ZFAND5: variants seen among roughly 807,000 people sequenced by gnomAD.
The protein encoded by ZFAND5 is zinc finger AN1-type containing 5, also known as AN1-type zinc finger protein 5.
In ZFAND5, 4 loss-of-function variants were observed where a neutral mutation model predicts 23.6. That is an observed-to-expected ratio of 0.17 (90% CI 0.08 to 0.39). The LOEUF (loss-of-function observed/expected upper bound fraction) is 0.39, where lower values mean the gene tolerates loss of function less well. Among genes scored for constraint, ZFAND5 ranks in the 10% least tolerant of loss-of-function variants. ZFAND5 has a pLI of 1.00. For synonymous variants in ZFAND5, 68 were observed against 80.6 expected (o/e 0.84, Z 0.84); for missense variants, 161 against 253.7 (o/e 0.63, Z 2.48).
intron 1 of ZFAND5, 139 bp downstream of exon 1, chr9:72,364,549 TGGCGGGCG>T (rs1165036996): frequency 7.8e-7 from 1 of 1,274,202 alleles, no homozygotes; most frequent in Admixed American, 2.4e-5. Flanking sequence ...CTTCCTGGGC[TGGCGGGCG>T]GGCTCCCCTC....
In ZFAND5 at chr9:72,352,236, C is replaced by A. The variant is rs1220455342; in HGVS notation, c.*3717G>T. 1 of 152,222 alleles carries A rather than the reference C, an allele frequency of 6.6e-6. No homozygotes were observed. The highest frequency in any genetic ancestry group is 1.5e-5 in the Non-Finnish European group (1 of 68,080). The allele number at this position is 152,222 out of a possible 1,614,324, so 9.4% of individuals were successfully genotyped here. A position where few individuals can be genotyped will look rare whatever the true frequency, so the allele number is the denominator to read the frequency against. On this transcript the variant is annotated 3_prime_UTR_variant, in exon 7 of 7. Transcript: ENST00000376962. ...GCTGAGCCAGGAGAATGGCGTGAAC[C>A]CGGGAGGCGGAACTTGCAGTGAGCT...
At chr9:72,361,035 T>C (rs770835140) in intron 2 of ZFAND5, among the ~76,000 whole-genome samples, 1 of 152,206 alleles carries the variant, frequency 6.6e-6, no homozygotes, top group Non-Finnish European at 1.5e-5. Flanking sequence ...CCTATCACTA[T>C]TCTTGGTTTC....
In ZFAND5 at chr9:72,355,131, A is replaced by T. The variant is rs1442274557; in HGVS notation, c.*822T>A. ...GATACCTTTGCAACTTAAAATTCAGATGCATGTTATTCAATAGAGCTGCTG... is the reference window on the plus strand; with the variant it reads ...GATACCTTTGCAACTTAAAATTCAGTTGCATGTTATTCAATAGAGCTGCTG... On this transcript the variant is annotated 3_prime_UTR_variant, in exon 7 of 7. Transcript: ENST00000376962. 10 of 152,666 alleles carry T rather than the reference A, an allele frequency of 6.6e-5. No homozygotes were observed. Among genetic ancestry groups the T allele is most frequent in the Admixed American group, 6.5e-4 (10 of 15,282 alleles). The allele number at this position is 152,666 out of a possible 1,614,324, so 9.5% of individuals were successfully genotyped here. A position where few individuals can be genotyped will look rare whatever the true frequency, so the allele number is the denominator to read the frequency against.
chr9:72,360,832 T>C (rs777629527), intron 2 of ZFAND5, 45 bp from the exon 3 acceptor site: 7 of 1,529,522 alleles, frequency 4.6e-6, no homozygotes, highest in Non-Finnish European at 6.2e-6. Context: ...ATCACCAAAA[T>C]ATAGTCTAAT....
intron 4 of ZFAND5, among the ~76,000 whole-genome samples, chr9:72,359,805 G>A (rs1842046118): frequency 6.6e-6 from 1 of 152,134 alleles, no homozygotes; most frequent in African/African-American, 2.4e-5. Flanking sequence ...GGGCAAAAGG[G>A]CAGCTCTGCC....
intron 4 of ZFAND5, 87 bp downstream of exon 4, chr9:72,360,023 G>A: frequency 9.0e-7 from 1 of 1,107,356 alleles, no homozygotes; most frequent in Non-Finnish European, 1.3e-6. Context: ...AAAGCCAAGG[G>A]TATCTATTAA....
At chr9:72,364,632 T>C (rs1279613346) in intron 1 of ZFAND5, 64 bp downstream of exon 1, 1 of 1,178,048 alleles carries the variant, frequency 8.5e-7, no homozygotes, top group Non-Finnish European at 1.1e-6. Context: ...CCCGGTCCCT[T>C]CACTCCCGCC....
intron 1 of ZFAND5, chr9:72,363,975 C>T (rs1426554209): frequency 6.6e-6 from 1 of 152,468 alleles, no homozygotes; most frequent in Non-Finnish European, 1.5e-5. Context: ...TCACATTCAT[C>T]AGCCTAAATG....
chr9:72,364,533 T>G (rs1368995582), intron 1 of ZFAND5, 163 bp downstream of exon 1: 1 of 1,279,154 alleles, frequency 7.8e-7, no homozygotes, highest in Non-Finnish European at 1.0e-6. Context: ...CGCCTCCGTC[T>G]TTGTGCTTCC....
Position 72,356,111 on chromosome 9 carries a change from C to CGAAGAAGTAGAGTCATTTGAGAACTTGA in ZFAND5, c.494-38_494-11dup. 6.3e-7 allele frequency: 1 copy of CGAAGAAGTAGAGTCATTTGAGAACTTGA among 1,599,696 alleles called. No homozygotes were observed. Among genetic ancestry groups the CGAAGAAGTAGAGTCATTTGAGAACTTGA allele is most frequent in the Non-Finnish European group, 8.5e-7 (1 of 1,175,752 alleles). Reference sequence around the variant, plus strand: ...CATCGGCAGTCAAACCCTGTACAAACGAAGAAGTAGAGTCATTTGAGAACT... The same window carrying CGAAGAAGTAGAGTCATTTGAGAACTTGA: ...CATCGGCAGTCAAACCCTGTACAAACGAAGAAGTAGAGTCATTTGAGAACTTGAGAAGAAGTAGAGTCATTTGAGAACT... On this transcript the variant is annotated splice_polypyrimidine_tract_variant and intron_variant, in intron 6 of 6. Coordinates refer to ENST00000376962, the MANE Select transcript of ZFAND5 (RefSeq NM_001102420.3).
intron 4 of ZFAND5, among the ~76,000 whole-genome samples, 161 bp from the exon 5 acceptor site, chr9:72,359,682 T>C (rs1842042792): frequency 6.6e-6 from 1 of 152,124 alleles, no homozygotes; most frequent in African/African-American, 2.4e-5. Flanking sequence ...CCAGCACAAA[T>C]GGTTGAGAAA....
At position 72,351,538 on chromosome 9, in the gene ZFAND5, G is replaced by A. The variant is rs1841768605; in HGVS notation, c.*4415C>T. 6.7e-6 allele frequency: 1 copy of A among 150,284 alleles called. No individual in the cohort carries two copies. Among genetic ancestry groups the A allele is most frequent in the Non-Finnish European group, 1.5e-5 (1 of 67,798 alleles). The allele number at this position is 150,284 out of a possible 1,614,324, so 9.3% of individuals were successfully genotyped here. On this transcript the variant is annotated 3_prime_UTR_variant, in exon 7 of 7. Coordinates refer to ENST00000376962, the MANE Select transcript of ZFAND5 (RefSeq NM_001102420.3). ...TTATATAAATTTAAAACCAGCACTT[G>A]TGCATAGAAATAGCTATAAAATATT...
rs1841895949 is a variant in ZFAND5, at chr9:72,354,871, CA to C, written c.*1081del. The C allele has an allele frequency of 6.6e-6, 1 of 152,562 alleles. No individual in the cohort carries two copies. The highest frequency in any genetic ancestry group is 1.5e-5 in the Non-Finnish European group (1 of 68,016). The allele number at this position is 152,562 out of a possible 1,614,324, so 9.5% of individuals were successfully genotyped here. On this transcript the variant is annotated 3_prime_UTR_variant, in exon 7 of 7. Coordinates refer to ENST00000376962, the MANE Select transcript of ZFAND5 (RefSeq NM_001102420.3). ...TTATTGTACAATGCTGTAGATAATG[CA>C]GCCCATGCAATACACCCAAGAACAC... is the stretch of plus-strand genomic sequence containing the variant.
chr9:72,358,535 A>C (rs1175611002), intron 5 of ZFAND5, among the ~76,000 whole-genome samples: 2 of 152,004 alleles, frequency 1.3e-5, no homozygotes, highest in Non-Finnish European at 2.9e-5. Flanking sequence ...CAAAAACAAA[A>C]ACCCAAACAA....
chr9:72,352,597 CTTTA>C lies in ZFAND5; in HGVS notation c.*3352_*3355del, dbSNP rs376778809. The stretch of plus-strand genomic sequence containing the variant: ...CCCAATTTTAGTTATTTCCTAGCAA[CTTTA>C]TTTAATGCAGATCTCTTGCAAAGAA... On this transcript the variant is annotated 3_prime_UTR_variant, in exon 7 of 7. Transcript: ENST00000376962. 2.7e-4 allele frequency: 41 copies of C among 152,242 alleles called. No individual in the cohort carries two copies. Among genetic ancestry groups the C allele is most frequent in the African/African-American group, 9.6e-4 (40 of 41,536 alleles). The allele number at this position is 152,242 out of a possible 1,614,324, so 9.4% of individuals were successfully genotyped here.
intron 2 of ZFAND5, among the ~76,000 whole-genome samples, chr9:72,362,539 ATATT>A (rs1466316801): frequency 6.6e-6 from 1 of 152,198 alleles, no homozygotes; most frequent in Non-Finnish European, 1.5e-5. Flanking sequence ...GATTCTTAAA[ATATT>A]TGTTTTAGAT....
intron 3 of ZFAND5, 31 bp from the exon 4 acceptor site, chr9:72,360,252 A>C (rs369336712): frequency 1.9e-6 from 3 of 1,568,478 alleles, no homozygotes; most frequent in Non-Finnish European, 2.6e-6. Flanking sequence ...TAAGGAACCA[A>C]TGAACACTAC....
intron 6 of ZFAND5, 141 bp from the exon 7 acceptor site, chr9:72,356,242 GT>G: frequency 1.9e-6 from 2 of 1,038,358 alleles, no homozygotes; most frequent in Non-Finnish European, 2.7e-6. Context: ...CCACTTCCTG[GT>G]GATAAGACAC....
Position 72,352,422 on chromosome 9 carries a change from AATGT to A in ZFAND5, c.*3527_*3530del, listed in dbSNP as rs1207893335. 2 of 152,186 alleles carry A rather than the reference AATGT, an allele frequency of 1.3e-5. No homozygotes were observed. Among genetic ancestry groups the A allele is most frequent in the Non-Finnish European group, 2.9e-5 (2 of 68,032 alleles). The allele number at this position is 152,186 out of a possible 1,614,324, so 9.4% of individuals were successfully genotyped here. On this transcript the variant is annotated 3_prime_UTR_variant, in exon 7 of 7. Transcript: ENST00000376962. ...CCTTTCTAAATTATGAGTTACCTAA[AATGT>A]ATGTGTGCCTTTGAAATGGAGGATA... is the stretch of plus-strand genomic sequence containing the variant.
Sources: gnomAD v4.1 joint callset for allele counts (sites outside exome capture counted in the v4.1 genomes callset) on GRCh38, gnomAD v4.1.1 for gene constraint, MANE v1.5 for transcripts, NCBI Gene and HGNC (gene_info 2026-07-23, HGNC 2026-07-21) for gene names.